ISOC1: variants seen among roughly 807,000 people sequenced by gnomAD.
The protein encoded by ISOC1 is isochorismatase domain containing 1.
ISOC1 carries 33 observed loss-of-function variants against 30.0 expected under a neutral mutation model. The ratio of observed to expected loss-of-function variants is 1.10; its 90% CI spans 0.83 to 1.47. ISOC1 has a LOEUF of 1.47. Among genes scored for constraint, ISOC1 ranks in the 40% most tolerant of loss-of-function variants. The probability of loss-of-function intolerance (pLI) is 0.00; values close to 1 mark genes in which losing one functional copy is unlikely to be tolerated. For synonymous variants in ISOC1, 178 were observed against 159.8 expected (o/e 1.11, Z -0.86); for missense variants, 372 against 388.0 (o/e 0.96, Z 0.35).
At chr5:129,096,583 G>A (rs1251160192) in intron 1 of ISOC1, among the ~76,000 whole-genome samples, 1 of 152,184 alleles carries the variant, frequency 6.6e-6, no homozygotes, top group Non-Finnish European at 1.5e-5. Flanking sequence ...GTTCTTAGGT[G>A]CTTAAGACTC....
Position 129,094,896 on chromosome 5 carries a change from G to C in ISOC1, c.130G>C (p.Gly44Arg), listed in dbSNP as rs760493192. Residue 44 changes from glycine to arginine, a missense_variant, in exon 1 of 5, where the codon GGG becomes CGG. Physicochemically the swap from Gly to Arg is moderately radical, Grantham distance 125 (BLOSUM62 -2). Coordinates refer to ENST00000173527, the MANE Select transcript of ISOC1 (RefSeq NM_016048.2). ...VFARPSSVPH[G>R]AGYELLIQKF... is the part of the protein sequence containing the mutation. ...CGCGCGACCCTCGTCGGTGCCACAC[G>C]GGGCGGGCTACGAGCTGCTCATCCA... 6 of 1,610,298 alleles carry C rather than the reference G, an allele frequency of 3.7e-6. No individual in the cohort carries two copies. Among genetic ancestry groups the C allele is most frequent in the Non-Finnish European group, 2.5e-6 (3 of 1,179,276 alleles).
At position 129,105,126 on chromosome 5, in the gene ISOC1, C is replaced by CATAT. The variant is rs138572147; in HGVS notation, c.429+55_430-52dup. The CATAT allele has an allele frequency of 1.9e-4, 309 of 1,611,622 alleles. No homozygotes were observed. The African/African-American group carries it at 3.8e-3, about 20-fold the overall frequency. On this transcript the variant is annotated intron_variant, in intron 2 of 4. Coordinates refer to ENST00000173527, the MANE Select transcript of ISOC1 (RefSeq NM_016048.2). ...TATTTGCTGAATCATCATATACACT[C>CATAT]ATATATACACATATATGTATATAGC...
At chr5:129,109,537 T>G (rs957131784) in intron 4 of ISOC1, among the ~76,000 whole-genome samples, 2 of 152,178 alleles carry the variant, frequency 1.3e-5, no homozygotes, top group East Asian at 3.9e-4. Flanking sequence ...TTGGAAGTTC[T>G]GAGAAGGGAG....
At chr5:129,112,829 G>A in intron 4 of ISOC1, 26 bp from the exon 5 acceptor site, 1 of 1,606,026 alleles carries the variant, frequency 6.2e-7, no homozygotes, top group Non-Finnish European at 8.5e-7. Context: ...CTTATTTCTT[G>A]ATTTGCCTTT....
rs1466211490 is a variant in ISOC1 at position 129,094,774 on chromosome 5, C to A, written c.8C>A (p.Ala3Asp). Residue 3 changes from alanine to aspartate, a missense_variant, in exon 1 of 5, where the codon GCT (alanine) becomes GAT (aspartate). Physicochemically the swap from Ala to Asp is moderately radical, Grantham distance 126. Coordinates refer to ENST00000173527, the MANE Select transcript of ISOC1 (RefSeq NM_016048.2). The stretch of plus-strand genomic sequence containing the variant: ...GCAGACGCTCGGGGGAACATGGCGG[C>A]TGCGGAGCCGGCGGTCCTTGCGCTC... MA[A>D]AEPAVLALPN... 6.7e-7 allele frequency: 1 copy of A among 1,500,326 alleles called. No individual in the cohort carries two copies. The highest frequency in any genetic ancestry group is 8.8e-7 in the Non-Finnish European group (1 of 1,130,378). 92.9% of individuals were successfully genotyped at this position (1,500,326 alleles called of 1,614,324 possible).
At chr5:129,104,208 C>T (rs935784610) in intron 1 of ISOC1, among the ~76,000 whole-genome samples, 3 of 152,106 alleles carry the variant, frequency 2.0e-5, no homozygotes, top group African/African-American at 7.2e-5. Flanking sequence ...GGTATCATTT[C>T]GTTGCATTTT....
intron 1 of ISOC1, among the ~76,000 whole-genome samples, chr5:129,103,076 A>G (rs1753591036): frequency 6.6e-6 from 1 of 152,106 alleles, no homozygotes; most frequent in South Asian, 2.1e-4. Context: ...CATTATGGTT[A>G]TTTCAGTAGG....
Position 129,106,973 on chromosome 5 carries a change from C to G in ISOC1, c.661C>G (p.Leu221Val). The G allele has an allele frequency of 6.2e-7, 1 of 1,613,680 alleles. No individual in the cohort carries two copies. Among genetic ancestry groups the G allele is most frequent in the Non-Finnish European group, 8.5e-7 (1 of 1,179,712 alleles). ...ETHVCIQQTA[L>V]ELVGRGVEVH... ...TCATGTGTGCATCCAACAAACTGCCCTGGAGCTAGTTGGCCGAGGAGTCGA... is the reference window on the plus strand; with the variant it reads ...TCATGTGTGCATCCAACAAACTGCCGTGGAGCTAGTTGGCCGAGGAGTCGA... The change falls in exon 4 of 5, where the codon CTG becomes GTG. Residue 221 changes from leucine (L) to valine (V), a missense_variant. Transcript: ENST00000173527.
Position 129,112,835 on chromosome 5 carries a change from C to CTTATTT in ISOC1, c.751-20_751-19insTTATTT. Reference sequence around the variant, plus strand: ...ATTCTCATGCTTATTTCTTGATTTGCCTTTATCTTTTTGTTCAAGCGTCTC... The same window carrying CTTATTT: ...ATTCTCATGCTTATTTCTTGATTTGCTTATTTCTTTATCTTTTTGTTCAAGCGTCTC... On this transcript the variant is annotated intron_variant, in intron 4 of 4. Transcript: ENST00000173527. The CTTATTT allele has an allele frequency of 6.2e-7, 1 of 1,607,346 alleles. No individual in the cohort carries two copies. The highest frequency in any genetic ancestry group is 8.5e-7 in the Non-Finnish European group (1 of 1,177,528).
At chr5:129,108,997 AAC>A (rs2150172107) in intron 4 of ISOC1, among the ~76,000 whole-genome samples, 1 of 152,302 alleles carries the variant, frequency 6.6e-6, no homozygotes, top group Non-Finnish European at 1.5e-5. Context: ...AAAAATGAAA[AAC>A]ACAAAACAAA....
At chr5:129,098,724 G>A (rs745750438) in intron 1 of ISOC1, among the ~76,000 whole-genome samples, 2 of 152,184 alleles carry the variant, frequency 1.3e-5, no homozygotes, top group African/African-American at 2.4e-5. Flanking sequence ...AGATAAGGGC[G>A]TTCCAGGGAA....
In ISOC1 at chr5:129,104,937, C is replaced by G. The variant is rs1014839881; in HGVS notation, c.310-19C>G. 6.2e-7 allele frequency: 1 copy of G among 1,609,630 alleles called. No homozygotes were observed. Among genetic ancestry groups the G allele is most frequent in the Non-Finnish European group, 8.5e-7 (1 of 1,178,838 alleles). ...ATTGTACAACAAGTGCTAAATCATT[C>G]TTTTTCTTTTTTCCTCAGCTCACTA... is the stretch of plus-strand genomic sequence containing the variant. On this transcript the variant is annotated intron_variant, in intron 1 of 4. Coordinates refer to ENST00000173527, the MANE Select transcript of ISOC1 (RefSeq NM_016048.2).
chr5:129,101,192 A>AAAAAAT (rs1554064627), intron 1 of ISOC1, among the ~76,000 whole-genome samples: 29 of 42,202 alleles, frequency 6.9e-4, no homozygotes, highest in South Asian at 8.6e-4. Flanking sequence ...AAAAAAAAAA[A>AAAAAAT]ATATATATAT....
intron 1 of ISOC1, among the ~76,000 whole-genome samples, chr5:129,099,294 C>T (rs1248492979): frequency 6.6e-6 from 1 of 152,156 alleles, no homozygotes; most frequent in African/African-American, 2.4e-5. Context: ...GCTTCACCTT[C>T]ACCCCAGTCT....
At position 129,105,228 on chromosome 5, in the gene ISOC1, A is replaced by G. The variant is rs754697635; in HGVS notation, c.473A>G (p.Glu158Gly). Residue 158 changes from glutamate (E) to glycine (G), a missense_variant, in exon 3 of 5, where the codon GAA (glutamate) becomes GGA (glycine). Physicochemically the swap from Glu to Gly is moderately conservative, Grantham distance 98 (BLOSUM62 -2). Transcript: ENST00000173527. ...TTAGGAATTCCTGTTATTGTAACAGAACAATACCCTAAAGGTCTTGGGAGC... is the reference window on the plus strand; with the variant it reads ...TTAGGAATTCCTGTTATTGTAACAGGACAATACCCTAAAGGTCTTGGGAGC... ...RILGIPVIVTEQYPKGLGSTV... is the reference protein window; with the variant it reads ...RILGIPVIVTGQYPKGLGSTV... 66 of 1,613,776 alleles carry G rather than the reference A, an allele frequency of 4.1e-5. No individual in the cohort carries two copies. The highest frequency in any genetic ancestry group is 5.5e-5 in the Non-Finnish European group (65 of 1,179,866).
chr5:129,102,058 G>T lies in ISOC1; in HGVS notation c.310-2898G>T, dbSNP rs116084394. 3.6e-3 allele frequency among the ~76,000 whole-genome samples: 554 copies of T among 152,186 alleles called. 1 individual carries two copies. The highest frequency in any genetic ancestry group is 0.013 in the African/African-American group (538 of 41,512). The stretch of plus-strand genomic sequence containing the variant: ...TAATGACATTAATCTTGATCACCTG[G>T]CTGAGACACAGTCGTCAGGTCTCTC... On this transcript the variant is annotated intron_variant, in intron 1 of 4. Coordinates refer to ENST00000173527, the MANE Select transcript of ISOC1 (RefSeq NM_016048.2).
intron 1 of ISOC1, among the ~76,000 whole-genome samples, chr5:129,098,585 G>C (rs1420826955): frequency 6.6e-6 from 1 of 152,168 alleles, no homozygotes; most frequent in Non-Finnish European, 1.5e-5. Flanking sequence ...GCATTTTCCA[G>C]CCTGTGGCCA....
intron 1 of ISOC1, among the ~76,000 whole-genome samples, chr5:129,100,128 C>A (rs892232971): frequency 2.0e-5 from 3 of 152,130 alleles, no homozygotes; most frequent in African/African-American, 7.2e-5. Context: ...CCCCAGGTCC[C>A]CTTCCAGACT....
At chr5:129,103,394 C>T (rs1392389390) in intron 1 of ISOC1, among the ~76,000 whole-genome samples, 2 of 152,098 alleles carry the variant, frequency 1.3e-5, no homozygotes, top group East Asian at 3.9e-4. Flanking sequence ...ATATAATATG[C>T]TTGAGAATTT....
Sources: gnomAD v4.1 joint callset for allele counts (sites outside exome capture counted in the v4.1 genomes callset) on GRCh38, gnomAD v4.1.1 for gene constraint, MANE v1.5 for transcripts, NCBI Gene and HGNC (gene_info 2026-07-23, HGNC 2026-07-21) for gene names.